The following SRGAP1 variants were observed in gnomAD, a reference collection of about 807,000 sequenced individuals.
The protein encoded by SRGAP1 is SLIT-ROBO Rho GTPase activating protein 1.
SRGAP1 carries 43 observed loss-of-function variants against 121.9 expected under a neutral mutation model. The observed-to-expected ratio is 0.35, with a 90% CI of 0.28 to 0.46. The LOEUF is 0.46. Among genes scored for constraint, SRGAP1 ranks in the 20% least tolerant of loss-of-function variants. The pLI is 1.00. For synonymous variants in SRGAP1, 447 were observed against 485.4 expected (o/e 0.92, Z 1.04); for missense variants, 1,102 against 1,350.9 (o/e 0.82, Z 2.89).
chr12:64,140,045 C>T (rs7309562), intron 21 of SRGAP1, among the ~76,000 whole-genome samples: 4,937 of 144,568 alleles, frequency 0.034, 310 homozygotes, highest in African/African-American at 0.12. Flanking sequence ...AAAGATCAGA[C>T]AGTTGTAGAT....
At chr12:64,074,532 C>G (rs1453789204) in intron 8 of SRGAP1, among the ~76,000 whole-genome samples, 1 of 152,180 alleles carries the variant, frequency 6.6e-6, no homozygotes, top group Non-Finnish European at 1.5e-5. Context: ...GCCAGGGTCT[C>G]TCTTTTCCCA....
intron 1 of SRGAP1, among the ~76,000 whole-genome samples, chr12:63,926,849 G>A (rs142386645): frequency 6.6e-6 from 1 of 151,850 alleles, no homozygotes; most frequent in African/African-American, 2.4e-5. Flanking sequence ...CCCTACCTTC[G>A]TATTATGTCT....
At chr12:64,103,575 T>A (rs1384452955) in intron 15 of SRGAP1, among the ~76,000 whole-genome samples, 1 of 152,218 alleles carries the variant, frequency 6.6e-6, no homozygotes, top group East Asian at 1.9e-4. Flanking sequence ...CTATAAAAAT[T>A]TCTTTCAGCT....
chr12:64,133,146 T>C (rs2036811176), intron 21 of SRGAP1, among the ~76,000 whole-genome samples: 1 of 152,234 alleles, frequency 6.6e-6, no homozygotes, highest in Non-Finnish European at 1.5e-5. Flanking sequence ...CCCCTGCATC[T>C]TTCAAGTCCT....
chr12:64,055,244 C>G (rs970227542), intron 6 of SRGAP1, among the ~76,000 whole-genome samples: 2 of 142,650 alleles, frequency 1.4e-5, no homozygotes, highest in African/African-American at 5.3e-5. Context: ...GAGTGAACTC[C>G]CATTCACAAT....
chr12:64,115,787 A>G (rs760934854), intron 17 of SRGAP1, 27 bp from the exon 18 acceptor site: 5 of 1,600,716 alleles, frequency 3.1e-6, no homozygotes, highest in Non-Finnish European at 4.3e-6. Flanking sequence ...TTTTAATTTC[A>G]TATGAATTTC....
At chr12:64,024,194 G>A (rs933632901) in intron 4 of SRGAP1, among the ~76,000 whole-genome samples, 1 of 152,176 alleles carries the variant, frequency 6.6e-6, no homozygotes, top group African/African-American at 2.4e-5. Flanking sequence ...CACTTTGAGA[G>A]GCTGAGCTGG....
Position 64,155,038 on chromosome 12 carries a change from TTTTC to T in SRGAP1, c.*12370_*12373del. On this transcript the variant is annotated 3_prime_UTR_variant, in exon 22 of 22. Coordinates refer to ENST00000355086, the MANE Select transcript of SRGAP1 (RefSeq NM_020762.4). ...TAACATTTGTTAAATATATATATTT[TTTTC>T]TTTTTCTTTTTCTTTTTTTTGAGAC... 1 of 152,096 alleles carries T rather than the reference TTTTC, an allele frequency of 6.6e-6. No individual in the cohort carries two copies. The highest frequency in any genetic ancestry group is 2.1e-4 in the South Asian group (1 of 4,798). 9.4% of individuals were successfully genotyped at this position (152,096 alleles called of 1,614,324 possible). A position where few individuals can be genotyped will look rare whatever the true frequency, so the allele number is the denominator to read the frequency against.
intron 1 of SRGAP1, among the ~76,000 whole-genome samples, chr12:63,913,490 T>A (rs1183184317): frequency 2.3e-5 from 3 of 128,656 alleles, no homozygotes; most frequent in African/African-American, 5.6e-5. Context: ...TATATATATA[T>A]AAATACACAT....
At chr12:64,021,503 G>T (rs966893317) in intron 4 of SRGAP1, among the ~76,000 whole-genome samples, 1 of 152,162 alleles carries the variant, frequency 6.6e-6, no homozygotes, top group African/African-American at 2.4e-5. Flanking sequence ...TTTGACAGAC[G>T]AGGAAACTAA....
chr12:64,147,162 G>GTTA lies in SRGAP1; in HGVS notation c.*4491_*4492insTAT. On this transcript the variant is annotated 3_prime_UTR_variant, in exon 22 of 22. Coordinates refer to ENST00000355086, the MANE Select transcript of SRGAP1 (RefSeq NM_020762.4). ...CTGCTGTTTACCTACGTACTGAAGG[G>GTTA]TAACTGCTGCCCGCGTAATTAAATC... The GTTA allele has an allele frequency of 1.3e-5, 3 of 234,204 alleles. No homozygotes were observed. The highest frequency in any genetic ancestry group is 2.5e-5 in the Non-Finnish European group (3 of 121,858). 14.5% of individuals were successfully genotyped at this position (234,204 alleles called of 1,614,324 possible).
At chr12:63,971,875 G>A (rs987548101) in intron 1 of SRGAP1, among the ~76,000 whole-genome samples, 1 of 152,048 alleles carries the variant, frequency 6.6e-6, no homozygotes, top group Non-Finnish European at 1.5e-5. Flanking sequence ...ATTTAGAATT[G>A]CGGCTTTCAG....
At chr12:64,078,293 G>A (rs920385295) in intron 8 of SRGAP1, among the ~76,000 whole-genome samples, 2 of 152,164 alleles carry the variant, frequency 1.3e-5, no homozygotes, top group African/African-American at 4.8e-5. Context: ...ATAGTAAAAT[G>A]GATGAATTAC....
At chr12:63,912,482 C>T (rs1480650117) in intron 1 of SRGAP1, among the ~76,000 whole-genome samples, 1 of 152,034 alleles carries the variant, frequency 6.6e-6, no homozygotes, top group Admixed American at 6.6e-5. Context: ...GGCGTGGTGG[C>T]ATGAGCCTGT....
rs538369433 is a variant in SRGAP1, at chr12:63,857,563, T to C, written c.67+12680T>C. 2.0e-5 allele frequency among the ~76,000 whole-genome samples: 3 copies of C among 151,734 alleles called. No homozygotes were observed. In the East Asian group the frequency reaches 5.8e-4, roughly 29 times the overall value. ...TACCTGGCAACTTTTTTTGTATTTT[T>C]AGTAAAGACAGGGTTTCACCATGTT... On this transcript the variant is annotated intron_variant, in intron 1 of 21. Coordinates refer to ENST00000355086, the MANE Select transcript of SRGAP1 (RefSeq NM_020762.4).
intron 15 of SRGAP1, among the ~76,000 whole-genome samples, chr12:64,103,276 C>T (rs1009150140): frequency 5.3e-5 from 8 of 152,312 alleles, no homozygotes; most frequent in South Asian, 2.1e-4. Context: ...CCACTGTGCC[C>T]GGCCAAGCTG....
At chr12:63,857,703 C>A (rs966755389) in intron 1 of SRGAP1, among the ~76,000 whole-genome samples, 1 of 152,154 alleles carries the variant, frequency 6.6e-6, no homozygotes, top group Non-Finnish European at 1.5e-5. Context: ...TTTTACATAG[C>A]CACTTTGCTA....
At chr12:64,084,161 C>A (rs947425926) in intron 10 of SRGAP1, among the ~76,000 whole-genome samples, 7 of 152,078 alleles carry the variant, frequency 4.6e-5, no homozygotes, top group African/African-American at 1.7e-4. Flanking sequence ...TGCCACCAAA[C>A]TGTATTTTGG....
intron 15 of SRGAP1, among the ~76,000 whole-genome samples, chr12:64,101,120 ATTG>A (rs1313138202): frequency 2.0e-5 from 3 of 151,878 alleles, no homozygotes; most frequent in Non-Finnish European, 2.9e-5. Context: ...TGAGTGATAG[ATTG>A]TTTTTACCCC....
Sources: allele counts gnomAD v4.1 joint callset (sites outside exome capture counted in the v4.1 genomes callset), GRCh38; gene constraint gnomAD v4.1.1; transcripts MANE v1.5; gene names NCBI Gene and HGNC (gene_info 2026-07-23, HGNC 2026-07-21).